Variants in CTNNBL1 observed in about 807,000 individuals in gnomAD.
The protein encoded by CTNNBL1 is catenin beta like 1.
In CTNNBL1, 31 loss-of-function variants were observed where a neutral mutation model predicts 72.7. The observed-to-expected ratio is 0.43, with a 90% confidence interval of 0.32 to 0.58. The LOEUF (loss-of-function observed/expected upper bound fraction) is 0.58. CTNNBL1 is among the 20% of genes least tolerant of loss of function. The probability of loss-of-function intolerance (pLI) is 0.08; values close to 1 mark genes in which losing one functional copy is unlikely to be tolerated. For synonymous variants in CTNNBL1, 240 were observed against 267.3 expected, an observed-to-expected ratio of 0.90 and a Z score of 1.00; for missense variants, 534 against 725.1, an observed-to-expected ratio of 0.74 and a Z score of 3.03.
intron 1 of CTNNBL1, among the ~76,000 whole-genome samples, chr20:37,724,238 A>G (rs1434229796): frequency 6.6e-6 from 1 of 152,168 alleles, no homozygotes; most frequent in Non-Finnish European, 1.5e-5. Context: ...GTAGGAAGGA[A>G]TGTAATTATG....
chr20:37,702,577 C>T (rs6012863), intron 1 of CTNNBL1, among the ~76,000 whole-genome samples: 2 of 152,144 alleles, frequency 1.3e-5, no homozygotes, highest in Non-Finnish European at 2.9e-5. Flanking sequence ...AAGTGTGACT[C>T]TAACAGATAA....
rs1350624989 is a variant in CTNNBL1 at position 37,746,763 on chromosome 20, C to T, written c.466+156C>T. ...GTCTTGAAACACACAATGCTTTTTA[C>T]TCATTTGAAAACCTGGTTTTTCTCT... is the stretch of plus-strand genomic sequence containing the variant. On this transcript the variant is annotated intron_variant, in intron 4 of 15. Transcript: ENST00000361383. The T allele has an allele frequency of 1.8e-5, 19 of 1,040,452 alleles. No homozygotes were observed. The African/African-American group carries it at 2.5e-4, about 14-fold the overall frequency. The allele number at this position is 1,040,452 out of a possible 1,614,324, so 64.5% of individuals were successfully genotyped here.
chr20:37,819,637 A>AT (rs1402452874), intron 11 of CTNNBL1, among the ~76,000 whole-genome samples: 1 of 152,166 alleles, frequency 6.6e-6, no homozygotes, highest in Non-Finnish European at 1.5e-5. Context: ...TCTTTTAAGA[A>AT]TTTTTTAAAG....
intron 1 of CTNNBL1, among the ~76,000 whole-genome samples, chr20:37,705,257 G>A (rs1433964415): frequency 6.6e-6 from 1 of 152,070 alleles, no homozygotes; most frequent in Non-Finnish European, 1.5e-5. Flanking sequence ...AATAGAGATT[G>A]TATAATAGTG....
In CTNNBL1 at chr20:37,825,143, G is replaced by A. The variant is rs1600511306; in HGVS notation, c.1214-14959G>A. On this transcript the variant is annotated intron_variant, in intron 11 of 15. Transcript: ENST00000361383. ...CAAGGCGGGCAGATCACCTGAGGTC[G>A]GGAGTTTGAGACCAGCCTGGTCAAC... 2.6e-5 allele frequency among the ~76,000 whole-genome samples: 4 copies of A among 151,892 alleles called. No homozygotes were observed. The South Asian group carries it at 8.3e-4, about 32-fold the overall frequency.
rs2072590702 is a variant in CTNNBL1 at position 37,872,073 on chromosome 20, A to G, written c.*60A>G. The G allele has an allele frequency of 2.1e-5, 29 of 1,410,936 alleles. No individual in the cohort carries two copies. The highest frequency in any genetic ancestry group is 2.9e-5 in the Non-Finnish European group (29 of 995,470). 87.4% of individuals were successfully genotyped at this position (1,410,936 alleles called of 1,614,324 possible). ...AGCTTCCCTCCCAGGATCAGTTTCT[A>G]CACAACTCTGTGTGGCTTTTGGACA... On this transcript the variant is annotated 3_prime_UTR_variant, in exon 16 of 16. Transcript: ENST00000361383.
intron 10 of CTNNBL1, among the ~76,000 whole-genome samples, chr20:37,796,359 C>G (rs773356931): frequency 5.9e-5 from 9 of 152,078 alleles, no homozygotes; most frequent in African/African-American, 2.2e-4. Context: ...TTCTCTGAGG[C>G]CTGGAAACTT....
At chr20:37,787,431 G>A (rs1053151293) in intron 10 of CTNNBL1, among the ~76,000 whole-genome samples, 7 of 135,500 alleles carry the variant, frequency 5.2e-5, no homozygotes, top group Admixed American at 2.6e-4. Context: ...TGCAAGCTCC[G>A]CCTCCCGGGT....
chr20:37,761,507 A>T (rs779768476), intron 5 of CTNNBL1, among the ~76,000 whole-genome samples: 1 of 152,174 alleles, frequency 6.6e-6, no homozygotes, highest in Non-Finnish European at 1.5e-5. Flanking sequence ...TCCCATTTCC[A>T]TTCATGTTCT....
At chr20:37,798,889 A>G (rs188830116) in intron 10 of CTNNBL1, among the ~76,000 whole-genome samples, 10 of 152,276 alleles carry the variant, frequency 6.6e-5, no homozygotes, top group African/African-American at 1.7e-4. Context: ...TTATATCTCA[A>G]TGTCCTAAAT....
At chr20:37,741,408 A>G (rs776917508) in intron 3 of CTNNBL1, among the ~76,000 whole-genome samples, 17 of 152,200 alleles carry the variant, frequency 1.1e-4, no homozygotes, top group Non-Finnish European at 1.5e-4. Context: ...GGCACTGTAT[A>G]TATATTATCT....
intron 11 of CTNNBL1, among the ~76,000 whole-genome samples, chr20:37,830,705 A>G (rs192981560): frequency 6.6e-6 from 1 of 152,366 alleles, no homozygotes. Flanking sequence ...AAATGCATTT[A>G]ACATACCTAA....
chr20:37,871,978 CA>C lies in CTNNBL1; in HGVS notation c.1661del (p.Lys554SerfsTer41). On this transcript the variant is annotated frameshift_variant, in exon 16 of 16. Coordinates refer to ENST00000361383, the MANE Select transcript of CTNNBL1 (RefSeq NM_030877.5). LOFTEE classifies it high-confidence loss of function. ...GRSPEFRENE[Q>X]KRILGLLENF ...GAGCCCGGAGTTCCGGGAGAACGAG[CA>C]AAAGCGCATCCTGGGCTTGCTGGAG... is the stretch of plus-strand genomic sequence containing the variant. 6.2e-7 allele frequency: 1 copy of C among 1,614,078 alleles called. No individual in the cohort carries two copies. Among genetic ancestry groups the C allele is most frequent in the Non-Finnish European group, 8.5e-7 (1 of 1,179,990 alleles).
At chr20:37,839,979 A>G (rs1203738083) in intron 11 of CTNNBL1, 123 bp from the exon 12 acceptor site, 2 of 641,398 alleles carry the variant, frequency 3.1e-6, no homozygotes, top group Non-Finnish European at 5.5e-6. Context: ...TGTCTTATTA[A>G]TCAATAGCAG....
At chr20:37,713,468 A>T (rs1008280569) in intron 1 of CTNNBL1, among the ~76,000 whole-genome samples, 1 of 152,226 alleles carries the variant, frequency 6.6e-6, no homozygotes, top group Admixed American at 6.5e-5. Context: ...TAATTAAAAA[A>T]GCAATTTTTA....
At chr20:37,732,204 A>G (rs1012103930) in intron 1 of CTNNBL1, among the ~76,000 whole-genome samples, 27 of 152,162 alleles carry the variant, frequency 1.8e-4, no homozygotes, top group African/African-American at 6.3e-4. Context: ...CCATTTGTAC[A>G]TCTTCTTTTG....
At position 37,871,993 on chromosome 20, in the gene CTNNBL1, G is replaced by C. The variant is rs769925256; in HGVS notation, c.1672G>C (p.Gly558Arg). The change falls in exon 16 of 16, where the codon GGC becomes CGC. Residue 558 changes from glycine to arginine, a missense_variant. By Grantham distance (125) the Gly-to-Arg change is moderately radical. Coordinates refer to ENST00000361383, the MANE Select transcript of CTNNBL1 (RefSeq NM_030877.5). ...GGAGAACGAGCAAAAGCGCATCCTG[G>C]GCTTGCTGGAGAACTTCTAGAGGCA... ...FRENEQKRIL[G>R]LLENF The C allele has an allele frequency of 1.7e-5, 28 of 1,614,024 alleles. No individual in the cohort carries two copies. The highest frequency in any genetic ancestry group is 2.4e-5 in the Non-Finnish European group (28 of 1,179,980).
At chr20:37,720,868 A>G (rs1261047831) in intron 1 of CTNNBL1, among the ~76,000 whole-genome samples, 1 of 152,218 alleles carries the variant, frequency 6.6e-6, no homozygotes, top group Non-Finnish European at 1.5e-5. Flanking sequence ...GACCTAGCTC[A>G]TGATTTAGTA....
chr20:37,829,692 C>G (rs1184121710), intron 11 of CTNNBL1, among the ~76,000 whole-genome samples: 2 of 152,130 alleles, frequency 1.3e-5, no homozygotes, highest in Non-Finnish European at 1.5e-5. Flanking sequence ...GTCATTCCCC[C>G]CTCTTCCCTG....
Sources: allele counts gnomAD v4.1 joint callset (sites outside exome capture counted in the v4.1 genomes callset), GRCh38; gene constraint gnomAD v4.1.1; transcripts MANE v1.5; gene names NCBI Gene and HGNC (gene_info 2026-07-23, HGNC 2026-07-21).